ZNF654: variants seen among roughly 807,000 people sequenced by gnomAD.
ZNF654 encodes melanoma-associated antigen.
A neutral mutation model predicts 95.3 loss-of-function variants in ZNF654; 19 were observed. The ratio of observed to expected loss-of-function variants is 0.20; its 90% CI spans 0.14 to 0.29. The LOEUF is 0.29. Among genes scored for constraint, ZNF654 ranks in the 10% least tolerant of loss-of-function variants. The pLI is 1.00. For missense variants in ZNF654, 1,046 were observed against 1,341.0 expected, an observed-to-expected ratio of 0.78 and a Z score of 3.44; for synonymous variants, 413 against 457.9, an observed-to-expected ratio of 0.90 and a Z score of 1.25.
At chr3:88,122,359 A>T (rs1339902157) in intron 3 of ZNF654, among the ~76,000 whole-genome samples, 3 of 152,150 alleles carry the variant, frequency 2.0e-5, no homozygotes, top group African/African-American at 4.8e-5. Context: ...AAGTGGTAAG[A>T]CTTTCATCCT....
Position 88,142,501 on chromosome 3 carries a change from A to G in ZNF654, c.*849A>G, listed in dbSNP as rs1247705278. The G allele has an allele frequency of 2.0e-5, 3 of 152,400 alleles. No homozygotes were observed. The highest frequency in any genetic ancestry group is 2.9e-5 in the Non-Finnish European group (2 of 67,854). The allele number at this position is 152,400 out of a possible 1,614,324, so 9.4% of individuals were successfully genotyped here. A position where few individuals can be genotyped will look rare whatever the true frequency, so the allele number is the denominator to read the frequency against. On this transcript the variant is annotated 3_prime_UTR_variant, in exon 9 of 9. Coordinates refer to ENST00000636215, the MANE Select transcript of ZNF654 (RefSeq NM_001350134.2). The stretch of plus-strand genomic sequence containing the variant: ...AAAACACTGAATTGCAAATTATTCA[A>G]TGTGAATAATGGTAAAAGCACACTG...
intron 2 of ZNF654, among the ~76,000 whole-genome samples, chr3:88,108,084 G>A (rs1704853644): frequency 1.3e-5 from 2 of 151,932 alleles, no homozygotes; most frequent in Non-Finnish European, 2.9e-5. Context: ...TTTTTGTCAG[G>A]TGCCTGGAGA....
intron 6 of ZNF654, among the ~76,000 whole-genome samples, chr3:88,130,617 ATTT>A (rs10674029): frequency 7.7e-6 from 1 of 129,204 alleles, no homozygotes. Context: ...TGCCCAGCTA[ATTT>A]TTTTTTTTTT....
chr3:88,066,715 C>T (rs1044078284), intron 1 of ZNF654, among the ~76,000 whole-genome samples: 1 of 152,080 alleles, frequency 6.6e-6, no homozygotes, highest in South Asian at 2.1e-4. Context: ...AGTAAGGCAC[C>T]ATTTGTACTG....
chr3:88,111,275 AT>A (rs1420143665), intron 2 of ZNF654, among the ~76,000 whole-genome samples: 1 of 152,010 alleles, frequency 6.6e-6, no homozygotes, highest in Non-Finnish European at 1.5e-5. Flanking sequence ...ATAACGAAAA[AT>A]AATTCTCCCT....
At chr3:88,074,705 C>T (rs753274940) in intron 1 of ZNF654, among the ~76,000 whole-genome samples, 15 of 152,254 alleles carry the variant, frequency 9.9e-5, no homozygotes, top group African/African-American at 3.4e-4. Context: ...GCACCCAACC[C>T]AATACCCATT....
intron 2 of ZNF654, among the ~76,000 whole-genome samples, chr3:88,091,668 G>A (rs1708637023): frequency 6.6e-6 from 1 of 152,174 alleles, no homozygotes; most frequent in African/African-American, 2.4e-5. Context: ...GGGACCCAAT[G>A]GGAGGTAATT....
At chr3:88,104,308 TC>T (rs1327075879) in intron 2 of ZNF654, among the ~76,000 whole-genome samples, 3 of 152,182 alleles carry the variant, frequency 2.0e-5, no homozygotes, top group African/African-American at 7.2e-5. Flanking sequence ...ACATAACTGA[TC>T]ATCTAAAGCA....
chr3:88,128,373 A>C (rs1169442177), intron 4 of ZNF654, among the ~76,000 whole-genome samples: 1 of 152,090 alleles, frequency 6.6e-6, no homozygotes, highest in Admixed American at 6.6e-5. Context: ...TCTATAATTA[A>C]TGTGAACTAA....
intron 1 of ZNF654, among the ~76,000 whole-genome samples, chr3:88,062,178 C>T (rs926359273): frequency 1.3e-5 from 2 of 152,138 alleles, no homozygotes; most frequent in African/African-American, 4.8e-5. Context: ...ACTTAATTTG[C>T]TTTGAGGATG....
chr3:88,102,011 ACTGAGTT>A (rs1704454532), intron 2 of ZNF654, among the ~76,000 whole-genome samples: 1 of 151,468 alleles, frequency 6.6e-6, no homozygotes, highest in Non-Finnish European at 1.5e-5. Context: ...TTGTCATCTT[ACTGAGTT>A]CTAAGAATTC....
chr3:88,116,740 A>G (rs1157815289), intron 3 of ZNF654, among the ~76,000 whole-genome samples: 3 of 152,054 alleles, frequency 2.0e-5, no homozygotes, highest in Admixed American at 1.3e-4. Context: ...AGAAAGTCTT[A>G]TAAGAGAGGT....
chr3:88,091,802 A>C (rs1162614737), intron 2 of ZNF654, among the ~76,000 whole-genome samples: 2 of 152,174 alleles, frequency 1.3e-5, no homozygotes, highest in South Asian at 2.1e-4. Context: ...CATGTAAGAC[A>C]TGCCTTTGTT....
chr3:88,121,865 A>T (rs1705788936), intron 3 of ZNF654, among the ~76,000 whole-genome samples: 1 of 152,132 alleles, frequency 6.6e-6, no homozygotes, highest in Non-Finnish European at 1.5e-5. Flanking sequence ...TTTATTCTGG[A>T]ATCTTCATTT....
chr3:88,094,342 G>A (rs1320581322), intron 2 of ZNF654, among the ~76,000 whole-genome samples: 3 of 152,012 alleles, frequency 2.0e-5, no homozygotes, highest in African/African-American at 7.2e-5. Flanking sequence ...GGTCTTTATT[G>A]CTCCTTTTAT....
At chr3:88,097,195 A>C (rs1704116944) in intron 2 of ZNF654, among the ~76,000 whole-genome samples, 1 of 152,142 alleles carries the variant, frequency 6.6e-6, no homozygotes, top group Non-Finnish European at 1.5e-5. Flanking sequence ...GGAGTAGATT[A>C]ATTGCTAGAT....
chr3:88,062,203 G>GT (rs1706924607), intron 1 of ZNF654, among the ~76,000 whole-genome samples: 1 of 152,178 alleles, frequency 6.6e-6, no homozygotes, highest in African/African-American at 2.4e-5. Flanking sequence ...GTAGGGGAAA[G>GT]TAACTTTTAT....
At chr3:88,118,326 A>T (rs1705538277) in intron 3 of ZNF654, among the ~76,000 whole-genome samples, 1 of 152,076 alleles carries the variant, frequency 6.6e-6, no homozygotes, top group Non-Finnish European at 1.5e-5. Context: ...TCATGTCCCA[A>T]GCAGGAGGCT....
chr3:88,071,957 G>A (rs1409542005), intron 1 of ZNF654, among the ~76,000 whole-genome samples: 7 of 152,186 alleles, frequency 4.6e-5, no homozygotes, highest in Admixed American at 4.6e-4. Flanking sequence ...ATAAAATGCT[G>A]TATTTTTCTT....
Sources: allele counts gnomAD v4.1 joint callset (sites outside exome capture counted in the v4.1 genomes callset), GRCh38; gene constraint gnomAD v4.1.1; transcripts MANE v1.5; gene names NCBI Gene and HGNC (gene_info 2026-07-23, HGNC 2026-07-21).